The following KCNN3 variants were observed in gnomAD, a reference collection of about 807,000 sequenced individuals.
KCNN3 encodes the protein potassium calcium-activated channel subfamily N member 3, also known as small conductance calcium-activated potassium channel protein 3.
A neutral mutation model predicts 62.9 loss-of-function variants in KCNN3; 16 were observed. The observed-to-expected ratio is 0.25, with a 90% CI of 0.17 to 0.39. KCNN3 has a LOEUF of 0.39. Ranked by LOEUF, KCNN3 falls within the 10% of genes least tolerant of loss-of-function variation. The probability of loss-of-function intolerance (pLI) is 1.00; values close to 1 mark genes in which losing one functional copy is unlikely to be tolerated. For missense variants in KCNN3, 599 were observed against 949.4 expected (o/e 0.63, Z 4.85); for synonymous variants, 370 against 389.2 (o/e 0.95, Z 0.58).
At chr1:154,758,797 T>C (rs1571246350) in intron 3 of KCNN3, among the ~76,000 whole-genome samples, 7 of 93,506 alleles carry the variant, frequency 7.5e-5, no homozygotes, top group African/African-American at 2.5e-4. Flanking sequence ...CATCGTTTTG[T>C]TTTTGTTTTT....
At position 154,869,422 on chromosome 1, in the gene KCNN3, G is replaced by T. The variant is rs1169663679; in HGVS notation, c.543C>A (p.Ser181Arg). 1.9e-6 allele frequency: 3 copies of T among 1,613,910 alleles called. No individual in the cohort carries two copies. The highest frequency in any genetic ancestry group is 1.7e-6 in the Non-Finnish European group (2 of 1,179,956). Reference protein sequence around the residue: ...TEIAMSSCKYSGGVMKPLSRL... With the variant: ...TEIAMSSCKYRGGVMKPLSRL... ...GGCTGAGGGGCTTCATGACCCCACC[G>T]CTATACTTGCAGGAGCTCATGGCGA... The change falls in exon 1 of 8, where the codon AGC (serine) becomes AGA (arginine). Residue 181 changes from serine to arginine, a missense_variant. Transcript: ENST00000271915. The surrounding 1 kb of genome is among the most constrained non-coding windows in gnomAD (Gnocchi z 6.1).
intron 6 of KCNN3, among the ~76,000 whole-genome samples, chr1:154,714,181 T>G (rs371047080): frequency 1.1e-3 from 9 of 8,564 alleles, no homozygotes; most frequent in Admixed American, 4.0e-3. Flanking sequence ...GTGTGGTGTG[T>G]GGTGTGTGTG....
At chr1:154,714,612 G>GTGTGTGTGTGTGT (rs1553227050) in intron 6 of KCNN3, among the ~76,000 whole-genome samples, 33 of 24,852 alleles carry the variant, frequency 1.3e-3, no homozygotes, top group Non-Finnish European at 2.8e-3. Context: ...TGTGGTGTGT[G>GTGTGTGTGTGTGT]GTGTGTGTGT....
Position 154,706,892 on chromosome 1 carries a change from C to T in KCNN3, c.*1084G>A, listed in dbSNP as rs1699975098. 1 of 152,224 alleles carries T rather than the reference C, an allele frequency of 6.6e-6. No homozygotes were observed. The highest frequency in any genetic ancestry group is 2.4e-5 in the African/African-American group (1 of 41,460). 9.4% of individuals were successfully genotyped at this position (152,224 alleles called of 1,614,324 possible). On this transcript the variant is annotated 3_prime_UTR_variant, in exon 8 of 8. Transcript: ENST00000271915. ...TCACTAAGGTGTTATTGGATTGCTC[C>T]TGTTTGTGCATGTCTGCACACACAT...
At chr1:154,716,841 A>G (rs766940656) in intron 5 of KCNN3, among the ~76,000 whole-genome samples, 4 of 152,168 alleles carry the variant, frequency 2.6e-5, no homozygotes, top group Non-Finnish European at 4.4e-5. Flanking sequence ...GCCTCCTGGC[A>G]AAAAAGGCGG....
Position 154,869,620 on chromosome 1 carries a change from G to C in KCNN3, c.345C>G (p.Asn115Lys). Residue 115 changes from asparagine (N) to lysine (K), a missense_variant, in exon 1 of 8, where the codon AAC becomes AAG. By Grantham distance (94) the Asn-to-Lys change is moderately conservative. This residue lies in a region of KCNN3 where 112 missense variants were observed against 142.9 expected (regional missense o/e 0.78). Transcript: ENST00000271915. This position sits in a 1 kb window ranked among gnomAD's most constrained non-coding sequence, Gnocchi z 6.1. ...PTAFRAPPSSNSTAILHPSSR... is the reference protein window; with the variant it reads ...PTAFRAPPSSKSTAILHPSSR... ...AGGAAGGGTGGAGGATGGCGGTGGA[G>C]TTGGACGAAGGGGGGGCCCTGAAAG... 1 of 1,614,068 alleles carries C rather than the reference G, an allele frequency of 6.2e-7. No individual in the cohort carries two copies. The highest frequency in any genetic ancestry group is 8.5e-7 in the Non-Finnish European group (1 of 1,179,978).
At chr1:154,811,003 G>A (rs191331057) in intron 2 of KCNN3, among the ~76,000 whole-genome samples, 86 of 152,318 alleles carry the variant, frequency 5.6e-4, no homozygotes, top group African/African-American at 2.0e-3. Flanking sequence ...TATAAAGGGG[G>A]TATGAATACA....
intron 1 of KCNN3, among the ~76,000 whole-genome samples, chr1:154,861,307 C>A (rs2101934363): frequency 6.6e-6 from 1 of 152,202 alleles, no homozygotes; most frequent in East Asian, 1.9e-4. Context: ...GATATCAGGT[C>A]TTCGGGGCCT....
At chr1:154,807,834 G>C (rs912512685) in intron 2 of KCNN3, among the ~76,000 whole-genome samples, 1 of 152,070 alleles carries the variant, frequency 6.6e-6, no homozygotes, top group African/African-American at 2.4e-5. Context: ...AGCGTTTTGG[G>C]GTGGGAGGGG....
intron 3 of KCNN3, among the ~76,000 whole-genome samples, chr1:154,763,120 T>C (rs1324563553): frequency 1.3e-5 from 2 of 152,216 alleles, no homozygotes; most frequent in African/African-American, 2.4e-5. Context: ...GTTAAGCTAT[T>C]CTCACTTATT....
At chr1:154,713,143 G>C (rs1700113110) in intron 7 of KCNN3, among the ~76,000 whole-genome samples, 1 of 152,114 alleles carries the variant, frequency 6.6e-6, no homozygotes, top group African/African-American at 2.4e-5. Flanking sequence ...GCAAACTCAA[G>C]CCCAACCTCA....
intron 5 of KCNN3, among the ~76,000 whole-genome samples, chr1:154,725,392 G>T (rs1038954229): frequency 1.3e-5 from 2 of 152,012 alleles, no homozygotes; most frequent in Non-Finnish European, 2.9e-5. Context: ...AAATTATTTG[G>T]CTGCCTGAAC....
At chr1:154,804,615 A>G (rs1279392761) in intron 2 of KCNN3, among the ~76,000 whole-genome samples, 2 of 152,148 alleles carry the variant, frequency 1.3e-5, no homozygotes, top group Admixed American at 6.5e-5. Flanking sequence ...TGAGTAGGGA[A>G]TCGGTATCTG....
intron 5 of KCNN3, among the ~76,000 whole-genome samples, chr1:154,716,930 G>T (rs1034710222): frequency 5.3e-5 from 8 of 152,206 alleles, no homozygotes; most frequent in Non-Finnish European, 1.2e-4. Flanking sequence ...GGAGGCAATT[G>T]GATGTGTCAT....
intron 2 of KCNN3, among the ~76,000 whole-genome samples, chr1:154,773,489 C>G (rs921863589): frequency 4.6e-5 from 7 of 152,216 alleles, no homozygotes; most frequent in Non-Finnish European, 8.8e-5. Context: ...GATAAAACAA[C>G]CTGGGGCTGG....
chr1:154,771,178 G>A (rs1648545031), intron 3 of KCNN3, among the ~76,000 whole-genome samples: 1 of 152,176 alleles, frequency 6.6e-6, no homozygotes, highest in Admixed American at 6.5e-5. Flanking sequence ...GTGGAAGGAG[G>A]TGGCTTCAGT....
At chr1:154,834,502 C>A (rs1651504235) in intron 1 of KCNN3, among the ~76,000 whole-genome samples, 1 of 152,212 alleles carries the variant, frequency 6.6e-6, no homozygotes, top group African/African-American at 2.4e-5. Context: ...GAACATGAGG[C>A]AGCCCCATCT....
chr1:154,714,973 C>T lies in KCNN3; in HGVS notation c.1732G>A (p.Glu578Lys). The T allele has an allele frequency of 6.2e-7, 1 of 1,613,676 alleles. No individual in the cohort carries two copies. The highest frequency in any genetic ancestry group is 8.5e-7 in the Non-Finnish European group (1 of 1,179,754). The change falls in exon 6 of 8, where the codon GAA becomes AAA. Residue 578 changes from glutamate to lysine, a missense_variant. Glu to Lys is a moderately conservative substitution (Grantham distance 56). Around this residue, in one of 7 missense-constraint regions of KCNN3, gnomAD observed 288 missense variants for 557.4 expected, o/e 0.52. Transcript: ENST00000271915. ...GTGTGTTTATAGATTAACCATGTTTCCCGAAGGACATTGGCTGCAGCATTC... is the reference window on the plus strand; with the variant it reads ...GTGTGTTTATAGATTAACCATGTTTTCCGAAGGACATTGGCTGCAGCATTC... Reference protein sequence around the residue: ...IKNAAANVLRETWLIYKHTKL... With the variant: ...IKNAAANVLRKTWLIYKHTKL...
chr1:154,739,193 C>T (rs1019481071), intron 3 of KCNN3, among the ~76,000 whole-genome samples: 9 of 152,178 alleles, frequency 5.9e-5, no homozygotes, highest in African/African-American at 1.4e-4. Context: ...GCAAATACCA[C>T]GGAAGGATTG....
Sources: gnomAD v4.1 joint callset for allele counts (sites outside exome capture counted in the v4.1 genomes callset) on GRCh38, gnomAD v4.1.1 for gene constraint, gnomAD v4.1.1 regional missense constraint, Gnocchi (gnomAD v3.1) non-coding constraint, MANE v1.5 for transcripts, NCBI Gene and HGNC (gene_info 2026-07-23, HGNC 2026-07-21) for gene names.